Variants in SLC35B3 observed in about 807,000 individuals in gnomAD.
SLC35B3 encodes solute carrier family 35 member B3, also known as adenosine 3'-phospho 5'-phosphosulfate transporter 2.
A neutral mutation model predicts 44.1 loss-of-function variants in SLC35B3; 35 were observed. The observed-to-expected ratio is 0.79, with a 90% CI of 0.61 to 1.05. The LOEUF (loss-of-function observed/expected upper bound fraction) is 1.05. SLC35B3 is among the 50% of genes least tolerant of loss of function. The probability of loss-of-function intolerance (pLI) is 0.00; values close to 1 mark genes in which losing one functional copy is unlikely to be tolerated. For missense variants in SLC35B3, 414 were observed against 476.4 expected (o/e 0.87, Z 1.22); for synonymous variants, 146 against 167.3 (o/e 0.87, Z 0.98).
At chr6:8,429,788 G>A in intron 3 of SLC35B3, 76 bp downstream of exon 2, 1 of 1,122,744 alleles carries the variant, frequency 8.9e-7, no homozygotes, top group Non-Finnish European at 1.2e-6. Flanking sequence ...ACTATCTTGG[G>A]CAAAACTAGT....
chr6:8,424,665 T>C (rs1299055157), intron 4 of SLC35B3, among the ~76,000 whole-genome samples: 1 of 152,202 alleles, frequency 6.6e-6, no homozygotes, highest in African/African-American at 2.4e-5. Context: ...TATTCTTTGA[T>C]GAAAAATAAT....
intron 3 of SLC35B3, among the ~76,000 whole-genome samples, chr6:8,429,379 A>T (rs545123515): frequency 1.1e-3 from 160 of 152,338 alleles, no homozygotes; most frequent in South Asian, 2.1e-3. Flanking sequence ...TAGAAGACAA[A>T]ACCAATAAGA....
Position 8,417,451 on chromosome 6 carries a change from C to T in SLC35B3, c.824G>A (p.Gly275Glu). ...GCCTAATCCACTAGTGCATGTCAAT[C>T]CCAGTAAAATGTATACAAAACCAAT... is the stretch of plus-strand genomic sequence containing the variant. The change falls in exon 8 of 11, where the codon GGA (glycine) becomes GAA (glutamate). Residue 275 changes from glycine (G) to glutamate (E), a missense_variant. Coordinates refer to ENST00000644923, the MANE Select transcript of SLC35B3 (RefSeq NM_001370476.2). 1 of 1,606,034 alleles carries T rather than the reference C, an allele frequency of 6.2e-7. No individual in the cohort carries two copies. The highest frequency in any genetic ancestry group is 8.5e-7 in the Non-Finnish European group (1 of 1,176,798).
chr6:8,425,265 T>C (rs1048779922), intron 4 of SLC35B3, among the ~76,000 whole-genome samples: 1 of 152,200 alleles, frequency 6.6e-6, no homozygotes, highest in African/African-American at 2.4e-5. Context: ...AGTATTAGTG[T>C]CTTTTACCTT....
intron 2 of SLC35B3, among the ~76,000 whole-genome samples, chr6:8,430,642 G>A (rs1160709821): frequency 6.6e-6 from 1 of 152,128 alleles, no homozygotes; most frequent in Middle Eastern, 3.2e-3. Context: ...CATTTTGGGA[G>A]GCTGAAGCAG....
In SLC35B3 at chr6:8,412,619, T is replaced by C. The variant is rs1456473315; in HGVS notation, c.*930A>G. Among the ~76,000 whole-genome samples, 1 of 152,170 alleles carries C rather than the reference T, an allele frequency of 6.6e-6. No individual in the cohort carries two copies. Among genetic ancestry groups the C allele is most frequent in the Admixed American group, 6.5e-5 (1 of 15,284 alleles). On this transcript the variant is annotated 3_prime_UTR_variant, in exon 11 of 11. Coordinates refer to ENST00000644923, the MANE Select transcript of SLC35B3 (RefSeq NM_001370476.2). ...TTAAAGCATGTCTTCTCTAAATCAG[T>C]GGTCCCCAACCCTTTTGGCAGTAGG...
chr6:8,417,930 C>A (rs967319450), intron 7 of SLC35B3, among the ~76,000 whole-genome samples: 1 of 151,928 alleles, frequency 6.6e-6, no homozygotes, highest in African/African-American at 2.4e-5. Context: ...CTCTATTTTC[C>A]AACCAACCTT....
intron 4 of SLC35B3, among the ~76,000 whole-genome samples, 183 bp from the exon 4 acceptor site, chr6:8,422,807 A>C (rs112559466): frequency 8.5e-4 from 130 of 152,362 alleles, no homozygotes; most frequent in African/African-American, 3.0e-3. Context: ...AAGTTTATAA[A>C]AATAACAATT....
In SLC35B3 at chr6:8,420,776, G is replaced by A. The variant is rs779225413; in HGVS notation, c.627C>T (p.Gly209=). The A allele has an allele frequency of 1.9e-6, 3 of 1,613,404 alleles. No homozygotes were observed. Among genetic ancestry groups the A allele is most frequent in the Non-Finnish European group, 2.5e-6 (3 of 1,179,460 alleles). ...TGTCAGCGAGGGTAAACCATATCAG[G>A]CCAAGGCTCATACATATGGCAGCAG... The change falls in exon 6 of 11, where the codon GGC becomes GGT. Residue 209 remains glycine (G), a synonymous_variant. Coordinates refer to ENST00000644923, the MANE Select transcript of SLC35B3 (RefSeq NM_001370476.2). The surrounding 1 kb of genome is among the most constrained non-coding windows in gnomAD (Gnocchi z 4.4).
At chr6:8,417,608 CATT>C (rs994145537) in intron 7 of SLC35B3, 114 bp from the exon 7 acceptor site, 4 of 567,212 alleles carry the variant, frequency 7.1e-6, no homozygotes, top group Middle Eastern at 4.8e-4. Flanking sequence ...TTAAAAGAAA[CATT>C]ATAATTTCAA....
intron 4 of SLC35B3, among the ~76,000 whole-genome samples, chr6:8,425,789 C>T (rs1180321134): frequency 6.6e-6 from 1 of 152,068 alleles, no homozygotes; most frequent in Non-Finnish European, 1.5e-5. Flanking sequence ...CCAATAGATA[C>T]ACGATATATA....
chr6:8,430,017 C>G lies in SLC35B3; in HGVS notation c.144G>C (p.Val48=), dbSNP rs1763814031. 6.2e-7 allele frequency: 1 copy of G among 1,613,840 alleles called. No individual in the cohort carries two copies. The highest frequency in any genetic ancestry group is 2.2e-5 in the East Asian group (1 of 44,862). ...GTGACATTGTTTGGGTTTTGGATGG[C>G]ACAGTGATAGAAATATATTTCCTGG... Residue 48 remains valine (V), a synonymous_variant, in exon 3 of 11, where the codon GTG becomes GTC. Transcript: ENST00000644923.
intron 8 of SLC35B3, 51 bp from the exon 8 acceptor site, chr6:8,417,046 T>C (rs1372095471): frequency 2.1e-6 from 2 of 964,712 alleles, no homozygotes; most frequent in East Asian, 2.6e-5. Context: ...AACTCCGAGG[T>C]ATTACAAATA....
rs777796568 is a variant in SLC35B3, at chr6:8,422,550, C to G, written c.494G>C (p.Gly165Ala). 1 of 1,613,216 alleles carries G rather than the reference C, an allele frequency of 6.2e-7. No individual in the cohort carries two copies. The highest frequency in any genetic ancestry group is 1.1e-5 in the South Asian group (1 of 91,054). Residue 165 changes from glycine to alanine, a missense_variant, in exon 5 of 11, where the codon GGC becomes GCC. By Grantham distance (60) the Gly-to-Ala change is moderately conservative. Coordinates refer to ENST00000644923, the MANE Select transcript of SLC35B3 (RefSeq NM_001370476.2). Reference sequence around the variant, plus strand: ...GACTTGGGTAGGGTAATTCAGGTAGCCCAAGGAAGTGTTTGATAACCCCAT... The same window carrying G: ...GACTTGGGTAGGGTAATTCAGGTAGGCCAAGGAAGTGTTTGATAACCCCAT...
At chr6:8,413,844 AAT>A in intron 10 of SLC35B3, 145 bp from the exon 10 acceptor site, 2 of 550,582 alleles carry the variant, frequency 3.6e-6, no homozygotes, top group Non-Finnish European at 6.3e-6. Context: ...TTAAAATAAA[AAT>A]AGTATTCTTA....
intron 2 of SLC35B3, among the ~76,000 whole-genome samples, chr6:8,430,429 GAACTA>G (rs1763859498): frequency 9.0e-6 from 1 of 110,896 alleles, no homozygotes; most frequent in Admixed American, 8.9e-5. Context: ...TTTCATCAAA[GAACTA>G]AACATGTCTT....
At chr6:8,426,970 T>A (rs1403004626) in intron 4 of SLC35B3, among the ~76,000 whole-genome samples, 1 of 152,196 alleles carries the variant, frequency 6.6e-6, no homozygotes, top group Non-Finnish European at 1.5e-5. Context: ...TTGTTATGTT[T>A]TAGCAAAGAG....
intron 4 of SLC35B3, among the ~76,000 whole-genome samples, chr6:8,426,635 TTC>T (rs1185211377): frequency 6.6e-6 from 1 of 152,192 alleles, no homozygotes; most frequent in Non-Finnish European, 1.5e-5. Context: ...TCAATTAAAC[TTC>T]TTTTTCTTCC....
rs774008941 is a variant in SLC35B3 at position 8,420,863 on chromosome 6, C to T, written c.575-35G>A. ...ACAAACGTAAGTCCACTTCATTATG[C>T]AAATACCCACCCAGCTTTATATTTG... On this transcript the variant is annotated intron_variant, in intron 5 of 10. Transcript: ENST00000644923. This position sits in a 1 kb window ranked among gnomAD's most constrained non-coding sequence, Gnocchi z 4.4. The T allele has an allele frequency of 5.4e-6, 8 of 1,479,766 alleles. No homozygotes were observed. The East Asian group carries it at 1.8e-4, about 34-fold the overall frequency. 91.7% of individuals were successfully genotyped at this position (1,479,766 alleles called of 1,614,324 possible).
Sources: gnomAD v4.1 joint callset for allele counts (sites outside exome capture counted in the v4.1 genomes callset) on GRCh38, gnomAD v4.1.1 for gene constraint, Gnocchi (gnomAD v3.1) non-coding constraint, MANE v1.5 for transcripts, NCBI Gene and HGNC (gene_info 2026-07-23, HGNC 2026-07-21) for gene names.